BRIP1: variants seen among roughly 807,000 people sequenced by gnomAD.
BRIP1 encodes the protein BRCA1 interacting DNA helicase 1.
BRIP1 carries 88 observed loss-of-function variants against 119.7 expected under a neutral mutation model. That is an observed-to-expected ratio of 0.74 (90% CI 0.62 to 0.88). The LOEUF (loss-of-function observed/expected upper bound fraction) is 0.88. BRIP1 is among the 40% of genes least tolerant of loss of function. BRIP1 has a pLI of 0.00. For missense variants in BRIP1, 1,259 were observed against 1,455.4 expected (o/e 0.87, Z 2.20); for synonymous variants, 443 against 496.5 (o/e 0.89, Z 1.43).
rs986898096 is a variant in BRIP1, at chr17:61,848,356, C to G, written c.507+773G>C. Among the ~76,000 whole-genome samples the G allele has an allele frequency of 1.4e-5, 2 of 143,128 alleles. No homozygotes were observed. The highest frequency in any genetic ancestry group is 3.1e-5 in the Non-Finnish European group (2 of 65,482). 93.9% of individuals were successfully genotyped at this position (143,128 alleles called of 152,430 possible). The stretch of plus-strand genomic sequence containing the variant: ...ACATGTCTGATGAGCCTGTAGGGCT[C>G]ATGCCACCACACCCGGTCTTTTTTT... On this transcript the variant is annotated intron_variant, in intron 5 of 19. Transcript: ENST00000259008. This position sits in a 1 kb window ranked among gnomAD's most constrained non-coding sequence, Gnocchi z 4.3.
rs1420867449 is a variant in BRIP1 at position 61,862,639 on chromosome 17, C to G, written c.-31+645G>C. On this transcript the variant is annotated intron_variant, in intron 1 of 19. Transcript: ENST00000259008. This position sits in a 1 kb window ranked among gnomAD's most constrained non-coding sequence, Gnocchi z 5.3. ...AGAAAAAGTCCATAGATTTCTCTTC[C>G]CGTAAATATATCTCAAGGAAATCAA... is the stretch of plus-strand genomic sequence containing the variant. 1.3e-5 allele frequency among the ~76,000 whole-genome samples: 2 copies of G among 152,006 alleles called. No homozygotes were observed. The highest frequency in any genetic ancestry group is 2.9e-5 in the Non-Finnish European group (2 of 68,014).
rs1364283002 is a variant in BRIP1 at position 61,794,308 on chromosome 17, AAAAC to A, written c.1341-583_1341-580del. Among the ~76,000 whole-genome samples the A allele has an allele frequency of 6.6e-6, 1 of 152,146 alleles. No homozygotes were observed. The highest frequency in any genetic ancestry group is 2.4e-5 in the African/African-American group (1 of 41,436). ...CTAAAGGGAGACAGGAATAAACATC[AAAAC>A]AAATACATAAACAAGAAAATGTCAG... is the stretch of plus-strand genomic sequence containing the variant. On this transcript the variant is annotated intron_variant, in intron 9 of 19. Coordinates refer to ENST00000259008, the MANE Select transcript of BRIP1 (RefSeq NM_032043.3). This position sits in a 1 kb window ranked among gnomAD's most constrained non-coding sequence, Gnocchi z 4.3.
chr17:61,732,682 T>A (rs1282127939), intron 16 of BRIP1, among the ~76,000 whole-genome samples: 1 of 152,102 alleles, frequency 6.6e-6, no homozygotes, highest in Non-Finnish European at 1.5e-5. Flanking sequence ...GACAAAACAT[T>A]CAATATCATT....
rs982606267 is a variant in BRIP1, at chr17:61,745,555, G to A, written c.2098-964C>T. On this transcript the variant is annotated intron_variant, in intron 14 of 19. Transcript: ENST00000259008. The surrounding 1 kb of genome is among the most constrained non-coding windows in gnomAD (Gnocchi z 4.4). ...AGCTAATTTTTATATTTTGTGTAGA[G>A]ATGAGATCCTGCTTTGTTGCCCAGG... 6.6e-6 allele frequency among the ~76,000 whole-genome samples: 1 copy of A among 152,118 alleles called. No homozygotes were observed. The highest frequency in any genetic ancestry group is 1.5e-5 in the Non-Finnish European group (1 of 68,024).
chr17:61,806,362 T>C lies in BRIP1; in HGVS notation c.918+2105A>G, dbSNP rs946139595. Among the ~76,000 whole-genome samples the C allele has an allele frequency of 1.3e-5, 2 of 152,200 alleles. No individual in the cohort carries two copies. Among genetic ancestry groups the C allele is most frequent in the Admixed American group, 6.6e-5 (1 of 15,266 alleles). On this transcript the variant is annotated intron_variant, in intron 7 of 19. Coordinates refer to ENST00000259008, the MANE Select transcript of BRIP1 (RefSeq NM_032043.3). The surrounding 1 kb of genome is among the most constrained non-coding windows in gnomAD (Gnocchi z 4.9). Reference sequence around the variant, plus strand: ...CAGGGCTTGAGAACAAGAAAGAGGATGTTCATGTATGCCCGTGAGGTAAGC... The same window carrying C: ...CAGGGCTTGAGAACAAGAAAGAGGACGTTCATGTATGCCCGTGAGGTAAGC...
chr17:61,787,669 G>C (rs1254130369), intron 10 of BRIP1, among the ~76,000 whole-genome samples: 1 of 151,494 alleles, frequency 6.6e-6, no homozygotes. Flanking sequence ...TTTTGAGACA[G>C]AGTCTCGCTC....
At chr17:61,763,328 C>G (rs932528022) in intron 14 of BRIP1, among the ~76,000 whole-genome samples, 4 of 151,884 alleles carry the variant, frequency 2.6e-5, no homozygotes, top group Admixed American at 2.6e-4. Context: ...GTGCATGTGT[C>G]GGGTAAAGGG....
At chr17:61,819,935 T>C (rs959479545) in intron 6 of BRIP1, among the ~76,000 whole-genome samples, 3 of 152,140 alleles carry the variant, frequency 2.0e-5, no homozygotes, top group Admixed American at 6.5e-5. Flanking sequence ...GGATACCTCA[T>C]TTACCCTAAT....
intron 3 of BRIP1, among the ~76,000 whole-genome samples, chr17:61,858,803 T>C (rs2078934394): frequency 6.6e-6 from 1 of 152,230 alleles, no homozygotes; most frequent in South Asian, 2.1e-4. Context: ...TAAAGCCATC[T>C]AATGTAACTA....
rs751747202 is a variant in BRIP1 at position 61,740,663 on chromosome 17, C to A, written c.2379+2350G>T. On this transcript the variant is annotated intron_variant, in intron 16 of 19. Transcript: ENST00000259008. This position sits in a 1 kb window ranked among gnomAD's most constrained non-coding sequence, Gnocchi z 5.4. ...TAAGTCACATGAATTTTTTGGTTTCCCAACACATATAAAAGCTATGTTTAC... is the reference window on the plus strand; with the variant it reads ...TAAGTCACATGAATTTTTTGGTTTCACAACACATATAAAAGCTATGTTTAC... Among the ~76,000 whole-genome samples, 20 of 152,096 alleles carry A rather than the reference C, an allele frequency of 1.3e-4. No individual in the cohort carries two copies. Among genetic ancestry groups the A allele is most frequent in the Non-Finnish European group, 2.1e-4 (14 of 68,006 alleles).
chr17:61,694,838 C>A (rs1026714328), intron 17 of BRIP1, among the ~76,000 whole-genome samples: 19 of 151,242 alleles, frequency 1.3e-4, no homozygotes, highest in African/African-American at 4.6e-4. Context: ...TTGGAGAAGT[C>A]TGTTCAAATT....
chr17:61,791,666 C>T (rs1431898527), intron 10 of BRIP1, among the ~76,000 whole-genome samples: 2 of 151,826 alleles, frequency 1.3e-5, no homozygotes, highest in Non-Finnish European at 2.9e-5. Context: ...TTGAAGAGGG[C>T]AAAAAGTATA....
In BRIP1 at chr17:61,845,224, C is replaced by T. The variant is rs1043358407; in HGVS notation, c.627+1877G>A. 3.3e-5 allele frequency among the ~76,000 whole-genome samples: 5 copies of T among 152,162 alleles called. No individual in the cohort carries two copies. Among genetic ancestry groups the T allele is most frequent in the African/African-American group, 1.2e-4 (5 of 41,458 alleles). On this transcript the variant is annotated intron_variant, in intron 6 of 19. Transcript: ENST00000259008. This position sits in a 1 kb window ranked among gnomAD's most constrained non-coding sequence, Gnocchi z 4.2. ...AATTTCTCCAACTATTAATATAAAG[C>T]TTCAGTGAAGATCACCAACAAAACA...
In BRIP1 at chr17:61,729,762, G is replaced by A. The variant is rs959247033; in HGVS notation, c.2379+13251C>T. Among the ~76,000 whole-genome samples, 3 of 152,132 alleles carry A rather than the reference G, an allele frequency of 2.0e-5. No homozygotes were observed. Among genetic ancestry groups the A allele is most frequent in the East Asian group, 1.9e-4 (1 of 5,194 alleles). On this transcript the variant is annotated intron_variant, in intron 16 of 19. Coordinates refer to ENST00000259008, the MANE Select transcript of BRIP1 (RefSeq NM_032043.3). The surrounding 1 kb of genome is among the most constrained non-coding windows in gnomAD (Gnocchi z 5.6). Reference sequence around the variant, plus strand: ...TGTATACATTTGTATGCCTCACTATGTAAAACAGTGGTGCTCAACCGAGAG... The same window carrying A: ...TGTATACATTTGTATGCCTCACTATATAAAACAGTGGTGCTCAACCGAGAG...
chr17:61,821,109 G>A (rs1483629128), intron 6 of BRIP1, among the ~76,000 whole-genome samples: 1 of 152,134 alleles, frequency 6.6e-6, no homozygotes, highest in Non-Finnish European at 1.5e-5. Context: ...AAATAAACAC[G>A]TGGCCTGTGA....
Position 61,710,682 on chromosome 17 carries a change from A to T in BRIP1, c.2492+5269T>A, listed in dbSNP as rs2061756969. ...CGGTGGCTAGAGGTAGAGGATAAGG[A>T]TGAAAAAGCAGGTATTACAGTTTTA... On this transcript the variant is annotated intron_variant, in intron 17 of 19. Coordinates refer to ENST00000259008, the MANE Select transcript of BRIP1 (RefSeq NM_032043.3). This position sits in a 1 kb window ranked among gnomAD's most constrained non-coding sequence, Gnocchi z 5.4. Among the ~76,000 whole-genome samples, 1 of 152,226 alleles carries T rather than the reference A, an allele frequency of 6.6e-6. No individual in the cohort carries two copies. The highest frequency in any genetic ancestry group is 1.5e-5 in the Non-Finnish European group (1 of 68,042).
rs2077091738 is a variant in BRIP1 at position 61,748,738 on chromosome 17, A to C, written c.2098-4147T>G. 1.3e-5 allele frequency among the ~76,000 whole-genome samples: 2 copies of C among 152,218 alleles called. No homozygotes were observed. Among genetic ancestry groups the C allele is most frequent in the African/African-American group, 4.8e-5 (2 of 41,462 alleles). On this transcript the variant is annotated intron_variant, in intron 14 of 19. Transcript: ENST00000259008. The surrounding 1 kb of genome is among the most constrained non-coding windows in gnomAD (Gnocchi z 4.7). ...TGGGGAAAGGACAGTCTCTTCAACAAATAGTTCAGGGCAAACAATATCCAC... is the reference window on the plus strand; with the variant it reads ...TGGGGAAAGGACAGTCTCTTCAACACATAGTTCAGGGCAAACAATATCCAC...
At chr17:61,707,853 T>C (rs1367787068) in intron 17 of BRIP1, among the ~76,000 whole-genome samples, 2 of 151,860 alleles carry the variant, frequency 1.3e-5, no homozygotes, top group Non-Finnish European at 1.5e-5. Context: ...CTTCACATTT[T>C]TTTTTTTTTT....
At position 61,745,239 on chromosome 17, in the gene BRIP1, G is replaced by C. The variant is rs2077043898; in HGVS notation, c.2098-648C>G. ...ACAGCCATGGGCTAGATTACAAAAG[G>C]ACATTCAACAAATTTTAAGCAATCC... On this transcript the variant is annotated intron_variant, in intron 14 of 19. Coordinates refer to ENST00000259008, the MANE Select transcript of BRIP1 (RefSeq NM_032043.3). This position sits in a 1 kb window ranked among gnomAD's most constrained non-coding sequence, Gnocchi z 4.4. 6.6e-6 allele frequency among the ~76,000 whole-genome samples: 1 copy of C among 152,124 alleles called. No individual in the cohort carries two copies. The highest frequency in any genetic ancestry group is 2.4e-5 in the African/African-American group (1 of 41,434).
Sources: gnomAD v4.1 joint callset for allele counts (sites outside exome capture counted in the v4.1 genomes callset) on GRCh38, gnomAD v4.1.1 for gene constraint, Gnocchi (gnomAD v3.1) non-coding constraint, MANE v1.5 for transcripts, NCBI Gene and HGNC (gene_info 2026-07-23, HGNC 2026-07-21) for gene names.